The following KNL1 variants were observed in gnomAD, a reference collection of about 807,000 sequenced individuals.
KNL1 encodes outer kinetochore KNL1 complex subunit KNL1.
KNL1 carries 66 observed loss-of-function variants against 201.3 expected under a neutral mutation model. The ratio of observed to expected loss-of-function variants is 0.33; its 90% CI spans 0.27 to 0.40. The LOEUF (loss-of-function observed/expected upper bound fraction) is 0.40. KNL1 is among the 10% of genes least tolerant of loss of function. The probability of loss-of-function intolerance (pLI) is 1.00; values close to 1 mark genes in which losing one functional copy is unlikely to be tolerated. For synonymous variants in KNL1, 895 were observed against 899.2 expected, an observed-to-expected ratio of 1.00 and a Z score of 0.08; for missense variants, 2,815 against 2,690.5, an observed-to-expected ratio of 1.05 and a Z score of -1.02.
In KNL1 at chr15:40,624,225, C is replaced by T. The variant is rs200284521; in HGVS notation, c.3961C>T (p.Leu1321Phe). The change falls in exon 10 of 26, where the codon CTC becomes TTC. Residue 1321 changes from leucine to phenylalanine, a missense_variant. Leu to Phe is a conservative substitution (Grantham distance 22). This residue lies in a region of KNL1 where 2,464 missense variants were observed against 2,291.7 expected (regional missense o/e 1.08). Transcript: ENST00000399668. ...TGATAATTTGGAGGGTAGTGCCATG[C>T]TCTTATGTGATAAAGATGAGGAAAA... is the stretch of plus-strand genomic sequence containing the variant. ...CTDNLEGSAMLLCDKDEEKAN... is the reference protein window; with the variant it reads ...CTDNLEGSAMFLCDKDEEKAN... 1.7e-4 allele frequency: 269 copies of T among 1,613,742 alleles called. No individual in the cohort carries two copies. The highest frequency in any genetic ancestry group is 2.1e-4 in the Non-Finnish European group (249 of 1,179,890).
intron 13 of KNL1, among the ~76,000 whole-genome samples, chr15:40,636,843 CTT>C (rs1411867545): frequency 6.6e-6 from 1 of 152,026 alleles, no homozygotes; most frequent in Admixed American, 6.6e-5. Context: ...ATTATCAACT[CTT>C]GTTTTTTCTC....
chr15:40,638,147 C>T (rs760704787), intron 13 of KNL1, among the ~76,000 whole-genome samples: 5 of 150,802 alleles, frequency 3.3e-5, no homozygotes, highest in Non-Finnish European at 7.4e-5. Context: ...AAGATCACGC[C>T]ACTGCACTCC....
chr15:40,639,159 CTTT>C (rs112481283), intron 13 of KNL1, among the ~76,000 whole-genome samples: 1 of 138,302 alleles, frequency 7.2e-6, no homozygotes, highest in Non-Finnish European at 1.6e-5. Context: ...CTTAAAAATC[CTTT>C]TTTTTTTTTT....
chr15:40,624,591 C>T lies in KNL1; in HGVS notation c.4327C>T (p.Pro1443Ser). Residue 1443 changes from proline to serine, a missense_variant, in exon 10 of 26, where the codon CCT (proline) becomes TCT (serine). Around this residue, in one of 3 missense-constraint regions of KNL1, gnomAD observed 2,464 missense variants for 2,291.7 expected, o/e 1.08. Coordinates refer to ENST00000399668, the MANE Select transcript of KNL1 (RefSeq NM_144508.5). ...TGATGACATTTATGTTATTCCTCAG[C>T]CTCATTTCTCAACCGACCAACCTCC... Reference protein sequence around the residue: ...YVDDIYVIPQPHFSTDQPPLP... With the variant: ...YVDDIYVIPQSHFSTDQPPLP... 6.2e-7 allele frequency: 1 copy of T among 1,613,864 alleles called. No homozygotes were observed. The highest frequency in any genetic ancestry group is 8.5e-7 in the Non-Finnish European group (1 of 1,179,822).
chr15:40,644,997 A>C lies in KNL1; in HGVS notation c.5799A>C (p.Glu1933Asp). ...GCTAATTAACTTTTCCGTATTTTAG[A>C]TTAAAGCTTTCTGCATCGAACCAAG... ...DCEARRQKIE[E>D]LKLSASNQDK... Residue 1933 changes from glutamate (E) to aspartate (D), a missense_variant and splice_region_variant, in exon 15 of 26, where the codon GAA (glutamate) becomes GAC (aspartate). Glu to Asp is a conservative substitution (Grantham distance 45, BLOSUM62 2). This residue lies in a region of KNL1 where 2,464 missense variants were observed against 2,291.7 expected (regional missense o/e 1.08). Transcript: ENST00000399668. 1 of 1,607,286 alleles carries C rather than the reference A, an allele frequency of 6.2e-7. No homozygotes were observed. Among genetic ancestry groups the C allele is most frequent in the Non-Finnish European group, 8.5e-7 (1 of 1,175,390 alleles).
chr15:40,660,660 G>A (rs1218240082), intron 25 of KNL1, among the ~76,000 whole-genome samples: 3 of 78,566 alleles, frequency 3.8e-5, no homozygotes, highest in African/African-American at 1.8e-4. Context: ...GCGAAACTCC[G>A]TCTCAAAAAA....
rs1044235968 is a variant in KNL1, at chr15:40,622,331, A to G, written c.2067A>G (p.Val689=). 3 of 1,613,948 alleles carry G rather than the reference A, an allele frequency of 1.9e-6. No homozygotes were observed. The highest frequency in any genetic ancestry group is 4.5e-5 in the East Asian group (2 of 44,876). The part of the protein sequence containing the change: ...LDKQITNRNT[V]SWEQSLFSTT... ...AACAAATAACTAATAGAAATACAGTATCATGGGAACAATCTTTGTTTTCTA... is the reference window on the plus strand; with the variant it reads ...AACAAATAACTAATAGAAATACAGTGTCATGGGAACAATCTTTGTTTTCTA... The change falls in exon 10 of 26, where the codon GTA becomes GTG. Residue 689 remains valine (V), a synonymous_variant. Coordinates refer to ENST00000399668, the MANE Select transcript of KNL1 (RefSeq NM_144508.5).
chr15:40,602,280 G>A (rs1173029239), intron 1 of KNL1, among the ~76,000 whole-genome samples: 1 of 144,786 alleles, frequency 6.9e-6, no homozygotes, highest in East Asian at 2.0e-4. Context: ...TGATCTGCCC[G>A]CCTCGGCCTC....
At chr15:40,634,071 T>G (rs564064889) in intron 13 of KNL1, among the ~76,000 whole-genome samples, 1 of 152,120 alleles carries the variant, frequency 6.6e-6, no homozygotes, top group Admixed American at 6.6e-5. Context: ...ATGTGTGTGT[T>G]TGTATTTTAG....
rs1367232494 is a variant in KNL1 at position 40,662,090 on chromosome 15, A to G, written c.6853A>G (p.Thr2285Ala). ...VGNTSQDDIA[T>A]ILSKVPLENN... Reference sequence around the variant, plus strand: ...TCTTTCCAGCCAAGATGATATTGCTACCATTCTATCTAAAGTGCCACTGGA... The same window carrying G: ...TCTTTCCAGCCAAGATGATATTGCTGCCATTCTATCTAAAGTGCCACTGGA... Residue 2285 changes from threonine (T) to alanine (A), a missense_variant, in exon 26 of 26, where the codon ACC (threonine) becomes GCC (alanine). Thr to Ala is a moderately conservative substitution (Grantham distance 58). Coordinates refer to ENST00000399668, the MANE Select transcript of KNL1 (RefSeq NM_144508.5). 1 of 1,596,414 alleles carries G rather than the reference A, an allele frequency of 6.3e-7. No homozygotes were observed. The highest frequency in any genetic ancestry group is 8.6e-7 in the Non-Finnish European group (1 of 1,163,966).
chr15:40,608,788 T>G, intron 4 of KNL1, 59 bp from the exon 5 acceptor site: 27 of 1,187,920 alleles, frequency 2.3e-5, no homozygotes, highest in Middle Eastern at 2.0e-4. Context: ...TATAGTACTC[T>G]GGAGATGTAA....
At chr15:40,635,403 G>A (rs528948097) in intron 13 of KNL1, among the ~76,000 whole-genome samples, 2 of 151,956 alleles carry the variant, frequency 1.3e-5, no homozygotes, top group African/African-American at 4.8e-5. Context: ...TGCCCAGGCT[G>A]GAGTGCGGTG....
intron 1 of KNL1, among the ~76,000 whole-genome samples, chr15:40,595,692 T>C (rs1263088508): frequency 3.3e-5 from 5 of 152,216 alleles, no homozygotes; most frequent in African/African-American, 1.2e-4. Context: ...ATATGTGCAC[T>C]CCAACATACT....
intron 4 of KNL1, among the ~76,000 whole-genome samples, chr15:40,606,684 G>A (rs1891985932): frequency 6.6e-6 from 1 of 152,142 alleles, no homozygotes; most frequent in Admixed American, 6.6e-5. Context: ...CTGCAGCCTT[G>A]CATTCCTGGG....
At chr15:40,600,836 A>G (rs1188067653) in intron 1 of KNL1, among the ~76,000 whole-genome samples, 4 of 152,218 alleles carry the variant, frequency 2.6e-5, no homozygotes, top group Non-Finnish European at 5.9e-5. Context: ...CAGTTCAGGA[A>G]ACTTCACGTT....
Position 40,623,013 on chromosome 15 carries a change from A to G in KNL1, c.2749A>G (p.Thr917Ala). 1 of 1,614,010 alleles carries G rather than the reference A, an allele frequency of 6.2e-7. No individual in the cohort carries two copies. The highest frequency in any genetic ancestry group is 8.5e-7 in the Non-Finnish European group (1 of 1,179,868). The change falls in exon 10 of 26, where the codon ACT (threonine) becomes GCT (alanine). Residue 917 changes from threonine (T) to alanine (A), a missense_variant. By Grantham distance (58) the Thr-to-Ala change is moderately conservative. Transcript: ENST00000399668. ...ATGTAGGCAGGATGACATGGAGATC[A>G]CTAGAAGTCACACAACTGCCTTAGA... ...YTCRQDDMEI[T>A]RSHTTALECK...
chr15:40,617,067 G>A (rs1892366658), intron 8 of KNL1, among the ~76,000 whole-genome samples: 1 of 152,256 alleles, frequency 6.6e-6, no homozygotes, highest in South Asian at 2.1e-4. Context: ...TCCTGCCTCA[G>A]CCTCCCGAGT....
Position 40,645,081 on chromosome 15 carries a change from C to T in KNL1, c.5883C>T (p.Asp1961=). 6.2e-7 allele frequency: 1 copy of T among 1,600,510 alleles called. No homozygotes were observed. The highest frequency in any genetic ancestry group is 8.5e-7 in the Non-Finnish European group (1 of 1,169,610). Residue 1961 remains aspartate (D), a synonymous_variant, in exon 15 of 26, where the codon GAC becomes GAT. Transcript: ENST00000399668. ...GGGAAAAAATGAGACACTGCTCTGA[C>T]AAAGAGGTACTTTTGTCTCATTTTC... The part of the protein sequence containing the change: ...NLWEKMRHCS[D]KELKAFGIYL...
chr15:40,649,555 A>G (rs999051962), intron 17 of KNL1, among the ~76,000 whole-genome samples: 1 of 151,626 alleles, frequency 6.6e-6, no homozygotes, highest in Non-Finnish European at 1.5e-5. Flanking sequence ...TCAGCCTCCC[A>G]AAGTGCTAGG....
Sources: gnomAD v4.1 joint callset for allele counts (sites outside exome capture counted in the v4.1 genomes callset) on GRCh38, gnomAD v4.1.1 for gene constraint, gnomAD v4.1.1 regional missense constraint, MANE v1.5 for transcripts, NCBI Gene and HGNC (gene_info 2026-07-23, HGNC 2026-07-21) for gene names.